FTCDNL1: variants seen among roughly 807,000 people sequenced by gnomAD.
The protein encoded by FTCDNL1 is formiminotransferase cyclodeaminase N-terminal like, also known as formiminotransferase N-terminal subdomain-containing protein.
A neutral mutation model predicts 5.9 loss-of-function variants in FTCDNL1; 11 were observed. The observed-to-expected ratio is 1.87, with a 90% CI of 1.18 to 3.10. The LOEUF (loss-of-function observed/expected upper bound fraction) is 3.10, where lower values mean the gene tolerates loss of function less well. Ranked by LOEUF, FTCDNL1 falls within the 30% of genes most tolerant of loss-of-function variation. FTCDNL1 has a pLI of 0.00. For synonymous variants in FTCDNL1, 58 were observed against 24.8 expected (o/e 2.34, Z -3.99); for missense variants, 115 against 65.5 (o/e 1.76, Z -2.61).
chr2:199,806,529 C>T (rs1487055886), downstream of FTCDNL1, among the ~76,000 whole-genome samples: 1 of 152,184 alleles, frequency 6.6e-6, no homozygotes, highest in African/African-American at 2.4e-5. Flanking sequence ...AAATTCCTTG[C>T]AGATCTCTCA....
At chr2:199,835,904 G>A (rs927110095) in intron 3 of FTCDNL1, among the ~76,000 whole-genome samples, 1 of 152,224 alleles carries the variant, frequency 6.6e-6, no homozygotes, top group African/African-American at 2.4e-5. Flanking sequence ...CCCTTTGTTA[G>A]TAAGGGGTGA....
chr2:199,728,101 G>A, the FTCDNL1 span, among the ~76,000 whole-genome samples: 2 of 152,162 alleles, frequency 1.3e-5, no homozygotes, highest in African/African-American at 4.8e-5. Flanking sequence ...ACAGTTCTCA[G>A]TTGAAGAAGA....
intron 3 of FTCDNL1, among the ~76,000 whole-genome samples, chr2:199,803,593 T>G (rs533229033): frequency 6.6e-6 from 1 of 152,304 alleles, no homozygotes; most frequent in South Asian, 2.1e-4. Flanking sequence ...GCCTCCTGAG[T>G]AGCTGGGACT....
chr2:199,689,823 A>AAT, the FTCDNL1 span, among the ~76,000 whole-genome samples: 2 of 151,710 alleles, frequency 1.3e-5, no homozygotes, highest in Non-Finnish European at 2.9e-5. Context: ...AAAAAAAAAA[A>AAT]AAAAAAGAAT....
the FTCDNL1 span, among the ~76,000 whole-genome samples, chr2:199,671,102 T>C: frequency 1.3e-5 from 2 of 151,744 alleles, no homozygotes; most frequent in East Asian, 3.9e-4. Flanking sequence ...TACCTACTGC[T>C]TGGCTTGCCC....
At chr2:199,678,802 A>C in the FTCDNL1 span, among the ~76,000 whole-genome samples, 1 of 152,224 alleles carries the variant, frequency 6.6e-6, no homozygotes, top group Non-Finnish European at 1.5e-5. Flanking sequence ...TTTCTAGTAA[A>C]TCAGTTACAT....
chr2:199,670,519 C>G, the FTCDNL1 span, among the ~76,000 whole-genome samples: 380 of 152,194 alleles, frequency 2.5e-3, 4 homozygotes, highest in African/African-American at 8.9e-3. Flanking sequence ...CACATTCAGG[C>G]AAAGTAATAA....
chr2:199,794,220 A>G (rs1394176693), intron 3 of FTCDNL1, among the ~76,000 whole-genome samples: 1 of 152,216 alleles, frequency 6.6e-6, no homozygotes, highest in Non-Finnish European at 1.5e-5. Context: ...TATATTTCCA[A>G]TGCTCCTGAA....
At chr2:199,777,152 GT>G (rs1021236931) in intron 3 of FTCDNL1, among the ~76,000 whole-genome samples, 3 of 151,996 alleles carry the variant, frequency 2.0e-5, no homozygotes, top group African/African-American at 7.2e-5. Flanking sequence ...AATTAGCCAG[GT>G]GCAGTGGCAT....
At chr2:199,849,138 T>C (rs2076807913) in intron 1 of FTCDNL1, among the ~76,000 whole-genome samples, 169 bp from the exon 2 acceptor site, 1 of 152,168 alleles carries the variant, frequency 6.6e-6, no homozygotes, top group South Asian at 2.1e-4. Flanking sequence ...TTGACTAAAA[T>C]AAGAAACCAT....
At chr2:199,839,234 A>G (rs2106631481) in intron 3 of FTCDNL1, among the ~76,000 whole-genome samples, 1 of 152,314 alleles carries the variant, frequency 6.6e-6, no homozygotes, top group East Asian at 1.9e-4. Context: ...GGAAGAAGAA[A>G]CCGAAATGAT....
chr2:199,789,718 T>A (rs1699829042), intron 3 of FTCDNL1, among the ~76,000 whole-genome samples: 2 of 152,046 alleles, frequency 1.3e-5, no homozygotes, highest in African/African-American at 4.8e-5. Flanking sequence ...CACAAGAAAT[T>A]CAAGTTTAAA....
chr2:199,670,154 A>G, the FTCDNL1 span, among the ~76,000 whole-genome samples: 1 of 152,178 alleles, frequency 6.6e-6, no homozygotes, highest in Non-Finnish European at 1.5e-5. Context: ...AATCCTTTTA[A>G]TAATTTGCAG....
the FTCDNL1 span, among the ~76,000 whole-genome samples, chr2:199,689,953 T>C: frequency 6.6e-6 from 1 of 152,230 alleles, no homozygotes; most frequent in Non-Finnish European, 1.5e-5. Flanking sequence ...AATTGGTATA[T>C]TTCCACATGA....
chr2:199,698,843 G>A, the FTCDNL1 span, among the ~76,000 whole-genome samples: 3 of 152,038 alleles, frequency 2.0e-5, no homozygotes, highest in Admixed American at 2.0e-4. Context: ...TTGGTTCTTT[G>A]AAAGAATAAA....
At chr2:199,828,057 C>T (rs1309919371) in intron 3 of FTCDNL1, among the ~76,000 whole-genome samples, 1 of 152,126 alleles carries the variant, frequency 6.6e-6, no homozygotes, top group Non-Finnish European at 1.5e-5. Flanking sequence ...CCTCTTCATA[C>T]TCAAGGAAAT....
At chr2:199,676,819 G>T in the FTCDNL1 span, among the ~76,000 whole-genome samples, 1 of 152,066 alleles carries the variant, frequency 6.6e-6, no homozygotes. Flanking sequence ...TTGTTATGTT[G>T]TTATGTCCCA....
chr2:199,769,263 T>C (rs1485470187), intron 3 of FTCDNL1, among the ~76,000 whole-genome samples: 2 of 152,140 alleles, frequency 1.3e-5, no homozygotes, highest in Non-Finnish European at 2.9e-5. Flanking sequence ...CACCCAAATC[T>C]CACCTTGAAT....
At chr2:199,711,648 T>C in the FTCDNL1 span, among the ~76,000 whole-genome samples, 1 of 152,114 alleles carries the variant, frequency 6.6e-6, no homozygotes, top group South Asian at 2.1e-4. Flanking sequence ...CAGGAATAGA[T>C]GGAAAAATGA....
Sources: gnomAD v4.1 joint callset for allele counts (sites outside exome capture counted in the v4.1 genomes callset) on GRCh38, gnomAD v4.1.1 for gene constraint, MANE v1.5 for transcripts, NCBI Gene and HGNC (gene_info 2026-07-23, HGNC 2026-07-21) for gene names.